The following PDE3B variants were observed in gnomAD, a reference collection of about 807,000 sequenced individuals.
PDE3B encodes cGMP-inhibited 3',5'-cyclic phosphodiesterase 3B.
A neutral mutation model predicts 116.8 loss-of-function variants in PDE3B; 66 were observed. That is an observed-to-expected ratio of 0.56 (90% CI 0.46 to 0.69). PDE3B has a LOEUF of 0.69. Among genes scored for constraint, PDE3B ranks in the 30% least tolerant of loss-of-function variants. The pLI, the probability that PDE3B is intolerant of heterozygous loss-of-function variation, is 0.00. For missense variants in PDE3B, 1,384 were observed against 1,368.1 expected (o/e 1.01, Z -0.18); for synonymous variants, 595 against 533.6 (o/e 1.12, Z -1.59).
chr11:14,666,840 T>A (rs1407341676), intron 1 of PDE3B, among the ~76,000 whole-genome samples: 1 of 152,214 alleles, frequency 6.6e-6, no homozygotes. Context: ...TTGGTGGGAC[T>A]GTAAACTAGT....
intron 11 of PDE3B, 146 bp from the exon 12 acceptor site, chr11:14,843,681 C>G (rs1847522148): frequency 1.6e-6 from 1 of 641,070 alleles, no homozygotes; most frequent in Admixed American, 2.7e-5. Context: ...GAATAATATA[C>G]TCTTTTAAGT....
At chr11:14,686,543 A>G (rs1298742476) in intron 1 of PDE3B, among the ~76,000 whole-genome samples, 12 of 152,190 alleles carry the variant, frequency 7.9e-5, no homozygotes, top group Admixed American at 7.9e-4. Flanking sequence ...TTTAAATGAC[A>G]GGAAAACATC....
At chr11:14,745,698 C>G (rs902308224) in intron 1 of PDE3B, among the ~76,000 whole-genome samples, 1 of 152,028 alleles carries the variant, frequency 6.6e-6, no homozygotes, top group Admixed American at 6.6e-5. Context: ...TTCCTCCTTT[C>G]CTCGCTATAC....
Position 14,799,105 on chromosome 11 carries a change from G to C in PDE3B, c.1416-4839G>C, listed in dbSNP as rs181363909. 1.8e-3 allele frequency among the ~76,000 whole-genome samples: 280 copies of C among 152,288 alleles called. 1 individual carries two copies. The highest frequency in any genetic ancestry group is 6.4e-3 in the African/African-American group (264 of 41,554). On this transcript the variant is annotated intron_variant, in intron 4 of 15. Coordinates refer to ENST00000282096, the MANE Select transcript of PDE3B (RefSeq NM_000922.4). ...TTTCCTTTTACGCACTGCTTTAAATGTGTCCCAGAGATTCTGGTATGTTTT... is the reference window on the plus strand; with the variant it reads ...TTTCCTTTTACGCACTGCTTTAAATCTGTCCCAGAGATTCTGGTATGTTTT...
intron 12 of PDE3B, among the ~76,000 whole-genome samples, chr11:14,858,702 T>A (rs1216734312): frequency 1.3e-5 from 2 of 152,212 alleles, no homozygotes; most frequent in Non-Finnish European, 2.9e-5. Flanking sequence ...GAAGTTTATC[T>A]GAGAAGGTTT....
chr11:14,662,949 T>C (rs991915618), intron 1 of PDE3B, among the ~76,000 whole-genome samples: 1 of 151,776 alleles, frequency 6.6e-6, no homozygotes, highest in African/African-American at 2.4e-5. Flanking sequence ...ATTCAGGAAA[T>C]ACAGAGAACG....
At chr11:14,666,229 T>C (rs1174692437) in intron 1 of PDE3B, among the ~76,000 whole-genome samples, 2 of 148,430 alleles carry the variant, frequency 1.3e-5, no homozygotes, top group Non-Finnish European at 3.0e-5. Flanking sequence ...TGGCTAGCCA[T>C]ATGTAGAAAG....
chr11:14,865,073 A>T (rs1848018754), intron 14 of PDE3B, among the ~76,000 whole-genome samples: 1 of 152,210 alleles, frequency 6.6e-6, no homozygotes, highest in African/African-American at 2.4e-5. Flanking sequence ...GAAAAGATTA[A>T]CAAAATAGAC....
chr11:14,815,859 A>G (rs1031071779), intron 5 of PDE3B, among the ~76,000 whole-genome samples: 4 of 152,144 alleles, frequency 2.6e-5, no homozygotes, highest in Admixed American at 6.5e-5. Context: ...CTTATTAGTA[A>G]TGAGGAAATT....
chr11:14,792,643 A>G (rs940219312), intron 4 of PDE3B, among the ~76,000 whole-genome samples: 1 of 152,162 alleles, frequency 6.6e-6, no homozygotes, highest in Admixed American at 6.6e-5. Context: ...AGATTTTACT[A>G]ATTAAGGAGG....
chr11:14,885,121 AACTC>A, the PDE3B span, among the ~76,000 whole-genome samples: 1 of 152,208 alleles, frequency 6.6e-6, no homozygotes, highest in African/African-American at 2.4e-5. Context: ...TTAAATGTGA[AACTC>A]AGAGAATTTA....
At position 14,861,187 on chromosome 11, in the gene PDE3B, G is replaced by T. The variant is rs1555007092; in HGVS notation, c.2725-18G>T. 6 of 1,592,808 alleles carry T rather than the reference G, an allele frequency of 3.8e-6. No homozygotes were observed. In the Middle Eastern group the frequency reaches 5.0e-4, roughly 133 times the overall value. On this transcript the variant is annotated intron_variant, in intron 13 of 15. Coordinates refer to ENST00000282096, the MANE Select transcript of PDE3B (RefSeq NM_000922.4). ...AAATGCCTTCAGAACCTAAAATGAT[G>T]TTGTTTTTCCAAAATAGGCAAATGA...
chr11:14,887,515 G>C, the PDE3B span: 2 of 814,862 alleles, frequency 2.5e-6, no homozygotes, highest in Non-Finnish European at 3.0e-6. Flanking sequence ...TCTATGGAAG[G>C]GTACAAGATT....
intron 4 of PDE3B, among the ~76,000 whole-genome samples, chr11:14,792,507 C>T (rs1455362686): frequency 6.6e-6 from 1 of 151,988 alleles, no homozygotes; most frequent in Non-Finnish European, 1.5e-5. Flanking sequence ...TATTATAACC[C>T]TGGGAGCTAT....
chr11:14,753,917 T>G (rs1453752367), intron 1 of PDE3B, among the ~76,000 whole-genome samples: 2 of 152,194 alleles, frequency 1.3e-5, no homozygotes, highest in East Asian at 3.9e-4. Flanking sequence ...TCCATACCAA[T>G]AAAATCTTAT....
rs139212280 is a variant in PDE3B at position 14,680,519 on chromosome 11, G to A, written c.978+35466G>A. On this transcript the variant is annotated intron_variant, in intron 1 of 15. Coordinates refer to ENST00000282096, the MANE Select transcript of PDE3B (RefSeq NM_000922.4). ...TACTGGGGCAAACAAAAGTAGAACCGGCAAGTTTGTATTGCTGTCTCATGG... is the reference window on the plus strand; with the variant it reads ...TACTGGGGCAAACAAAAGTAGAACCAGCAAGTTTGTATTGCTGTCTCATGG... Among the ~76,000 whole-genome samples the A allele has an allele frequency of 3.3e-5, 5 of 152,252 alleles. No homozygotes were observed. In the East Asian group the frequency reaches 7.7e-4, roughly 24 times the overall value.
intron 10 of PDE3B, among the ~76,000 whole-genome samples, 190 bp from the exon 11 acceptor site, chr11:14,834,792 A>G (rs1453804076): frequency 1.3e-5 from 2 of 152,192 alleles, no homozygotes; most frequent in Non-Finnish European, 2.9e-5. Flanking sequence ...CTATGTTTTC[A>G]TAGTATATGG....
At chr11:14,881,712 C>T in the PDE3B span, among the ~76,000 whole-genome samples, 6 of 152,102 alleles carry the variant, frequency 3.9e-5, no homozygotes, top group Non-Finnish European at 8.8e-5. Context: ...TGCTCTGTTG[C>T]TACCACTCTT....
chr11:14,849,651 C>A lies in PDE3B; in HGVS notation c.2520+5625C>A, dbSNP rs373464785. Among the ~76,000 whole-genome samples the A allele has an allele frequency of 2.0e-4, 30 of 151,304 alleles. No individual in the cohort carries two copies. The East Asian group carries it at 5.6e-3, about 28-fold the overall frequency. ...CAAACAAATTTACAAGAAAAAAACA[C>A]ACAACCCCATCAACAAGTGGGCGAA... On this transcript the variant is annotated intron_variant, in intron 12 of 15. Coordinates refer to ENST00000282096, the MANE Select transcript of PDE3B (RefSeq NM_000922.4).
Sources: allele counts gnomAD v4.1 joint callset (sites outside exome capture counted in the v4.1 genomes callset), GRCh38; gene constraint gnomAD v4.1.1; transcripts MANE v1.5; gene names NCBI Gene and HGNC (gene_info 2026-07-23, HGNC 2026-07-21).